Variants in TSPEAR observed in about 807,000 individuals in gnomAD.
TSPEAR encodes thrombospondin-type laminin G domain and EAR repeat-containing protein.
Under a neutral mutation model 71.6 loss-of-function variants are expected in TSPEAR, and 69 were observed. The observed-to-expected ratio is 0.96, with a 90% CI of 0.79 to 1.18. TSPEAR has a LOEUF of 1.18. Ranked by LOEUF, TSPEAR falls within the 50% of genes most tolerant of loss-of-function variation. The pLI, the probability that TSPEAR is intolerant of heterozygous loss-of-function variation, is 0.00. For missense variants in TSPEAR, 971 were observed against 894.9 expected (o/e 1.09, Z -1.09); for synonymous variants, 402 against 387.2 (o/e 1.04, Z -0.45).
intron 1 of TSPEAR, among the ~76,000 whole-genome samples, chr21:44,606,761 AGCC>A (rs1406675584): frequency 1.3e-5 from 2 of 152,218 alleles, no homozygotes; most frequent in Non-Finnish European, 2.9e-5. Flanking sequence ...AAGCGAAATA[AGCC>A]AGGCACAGAA....
intron 1 of TSPEAR, among the ~76,000 whole-genome samples, chr21:44,634,241 A>G (rs1983414836): frequency 6.6e-6 from 1 of 152,126 alleles, no homozygotes; most frequent in Non-Finnish European, 1.5e-5. Flanking sequence ...AGGCTGAGCA[A>G]TACCCTGTCT....
chr21:44,650,615 C>T (rs190603715), intron 1 of TSPEAR, among the ~76,000 whole-genome samples: 135 of 152,364 alleles, frequency 8.9e-4, no homozygotes, highest in Non-Finnish European at 1.6e-3. Context: ...GCCCCACTGA[C>T]GCCTTCACCT....
intron 1 of TSPEAR, among the ~76,000 whole-genome samples, chr21:44,597,910 C>T (rs113481266): frequency 6.6e-6 from 1 of 152,038 alleles, no homozygotes; most frequent in Non-Finnish European, 1.5e-5. Context: ...AATTTTTTAA[C>T]GTTTCTTTTA....
At position 44,629,124 on chromosome 21, in the gene TSPEAR, A is replaced by T. The variant is rs587619150; in HGVS notation, c.83-61119T>A. Among the ~76,000 whole-genome samples the T allele has an allele frequency of 2.6e-4, 39 of 151,584 alleles. No individual in the cohort carries two copies. In the South Asian group the frequency reaches 7.8e-3, roughly 30 times the overall value. ...ACTGTCCCCTCCAGTCCTCACCCACACCCCCCACACTGGTGACCCGGGGCT... is the reference window on the plus strand; with the variant it reads ...ACTGTCCCCTCCAGTCCTCACCCACTCCCCCCACACTGGTGACCCGGGGCT... On this transcript the variant is annotated intron_variant, in intron 1 of 11. Coordinates refer to ENST00000323084, the MANE Select transcript of TSPEAR (RefSeq NM_144991.3).
chr21:44,671,780 CAAG>C (rs1202853240), intron 1 of TSPEAR, among the ~76,000 whole-genome samples: 1 of 151,974 alleles, frequency 6.6e-6, no homozygotes, highest in Non-Finnish European at 1.5e-5. Context: ...TATAAGGACT[CAAG>C]AAACATGAAA....
rs114612729 is a variant in TSPEAR at position 44,505,961 on chromosome 21, C to T, written c.1755-1080G>A. ...TGCTGGAGGCAGGAGCTTGGTTTCC[C>T]GCTCTGGACACTGTGCAGAAATGGC... is the stretch of plus-strand genomic sequence containing the variant. On this transcript the variant is annotated intron_variant, in intron 10 of 11. Transcript: ENST00000323084. 7.0e-3 allele frequency among the ~76,000 whole-genome samples: 1,065 copies of T among 152,276 alleles called. 9 individuals carry two copies. Among genetic ancestry groups the T allele is most frequent in the African/African-American group, 0.024 (996 of 41,558 alleles).
intron 8 of TSPEAR, among the ~76,000 whole-genome samples, chr21:44,524,320 TAGTC>T (rs1193483066): frequency 6.6e-6 from 1 of 151,816 alleles, no homozygotes; most frequent in African/African-American, 2.4e-5. Flanking sequence ...GTCAGGTAGT[TAGTC>T]AGTCAGATAG....
chr21:44,646,689 G>C (rs1888526), intron 1 of TSPEAR: 11 of 1,613,882 alleles, frequency 6.8e-6, no homozygotes, highest in African/African-American at 4.0e-5. Flanking sequence ...CCTGCACGCC[G>C]TCATGCTGCC....
intron 8 of TSPEAR, among the ~76,000 whole-genome samples, chr21:44,524,622 G>T (rs1569163716): frequency 6.6e-6 from 1 of 152,162 alleles, no homozygotes; most frequent in East Asian, 1.9e-4. Context: ...TAATCAGTCA[G>T]TCAGGTAGTC....
chr21:44,579,802 G>C, intron 1 of TSPEAR: 3 of 1,609,594 alleles, frequency 1.9e-6, no homozygotes, highest in African/African-American at 1.3e-5. Context: ...GGCAGAGGAG[G>C]GACACGCAGG....
At chr21:44,656,107 T>A (rs2838615) in intron 1 of TSPEAR, among the ~76,000 whole-genome samples, 35,804 of 152,142 alleles carry the variant, frequency 0.24, 4,205 homozygotes, top group Middle Eastern at 0.25. Flanking sequence ...TTCACTGCTA[T>A]AGTTCAGAAT....
In TSPEAR at chr21:44,580,249, G is replaced by C; in HGVS notation, c.83-12244C>G. ...TTGGCTGGCAGCTAGACTGCTGGCA[G>C]CATGAAGAGGAATCCTTAGAGCAGG... On this transcript the variant is annotated intron_variant, in intron 1 of 11. Coordinates refer to ENST00000323084, the MANE Select transcript of TSPEAR (RefSeq NM_144991.3). 1.2e-6 allele frequency: 2 copies of C among 1,613,782 alleles called. No individual in the cohort carries two copies. Among genetic ancestry groups the C allele is most frequent in the Non-Finnish European group, 1.7e-6 (2 of 1,179,958 alleles).
At chr21:44,628,764 C>T (rs1301085537) in intron 1 of TSPEAR, among the ~76,000 whole-genome samples, 6 of 152,308 alleles carry the variant, frequency 3.9e-5, no homozygotes, top group African/African-American at 1.4e-4. Flanking sequence ...GAGACTTGGG[C>T]TCCAGCTGTC....
In TSPEAR at chr21:44,499,768, C is replaced by G; in HGVS notation, c.*15G>C. 1 of 1,547,020 alleles carries G rather than the reference C, an allele frequency of 6.5e-7. No individual in the cohort carries two copies. The highest frequency in any genetic ancestry group is 8.7e-7 in the Non-Finnish European group (1 of 1,147,340). ...CCCACCTGGCCACCCCAGTTGCTGCCGGGCAGCCGCGGCCTCAGCGTGTCC... is the reference window on the plus strand; with the variant it reads ...CCCACCTGGCCACCCCAGTTGCTGCGGGGCAGCCGCGGCCTCAGCGTGTCC... On this transcript the variant is annotated 3_prime_UTR_variant, in exon 12 of 12. Transcript: ENST00000323084.
At chr21:44,601,127 C>T (rs1555928607) in intron 1 of TSPEAR, 1 of 1,607,204 alleles carries the variant, frequency 6.2e-7, no homozygotes, top group East Asian at 2.3e-5. Flanking sequence ...TCTGGGATTT[C>T]CTCTTCGTGC....
At chr21:44,549,669 T>C (rs2053367483) in intron 2 of TSPEAR, among the ~76,000 whole-genome samples, 1 of 152,210 alleles carries the variant, frequency 6.6e-6, no homozygotes, top group South Asian at 2.1e-4. Context: ...TCAGATTTGC[T>C]CAATCCTGTT....
chr21:44,637,431 C>T, intron 1 of TSPEAR: 1 of 1,607,842 alleles, frequency 6.2e-7, no homozygotes. Context: ...GCCGCCTCCA[C>T]CATGTCCATC....
At chr21:44,654,572 G>A (rs1401535972) in intron 1 of TSPEAR, 3 of 1,604,888 alleles carry the variant, frequency 1.9e-6, no homozygotes, top group Non-Finnish European at 2.6e-6. Context: ...GGGGAGCCAG[G>A]GCAGGCCATT....
rs201781449 is a variant in TSPEAR at position 44,591,856 on chromosome 21, T to G, written c.83-23851A>C. ...GCAAGTTGGCTGGCAGCTAGACTGC[T>G]GGCAGCATGAGGGTGTGCAGGAGCT... On this transcript the variant is annotated intron_variant, in intron 1 of 11. Transcript: ENST00000323084. 2,119 of 1,605,870 alleles carry G rather than the reference T, an allele frequency of 1.3e-3. 182 individuals are homozygous for G. In the African/African-American group the frequency reaches 0.026, roughly 20 times the overall value.
Sources: gnomAD v4.1 joint callset for allele counts (sites outside exome capture counted in the v4.1 genomes callset) on GRCh38, gnomAD v4.1.1 for gene constraint, MANE v1.5 for transcripts, NCBI Gene and HGNC (gene_info 2026-07-23, HGNC 2026-07-21) for gene names.